The following TMEM232 variants were observed in gnomAD, a reference collection of about 807,000 sequenced individuals.
TMEM232 encodes transmembrane protein 232.
Under a neutral mutation model 78.8 loss-of-function variants are expected in TMEM232, and 80 were observed. The observed-to-expected ratio is 1.01, with a 90% CI of 0.85 to 1.22. The LOEUF (loss-of-function observed/expected upper bound fraction) is 1.22, where lower values mean the gene tolerates loss of function less well. TMEM232 is among the 50% of genes most tolerant of loss of function. TMEM232 has a pLI of 0.00. For synonymous variants in TMEM232, 297 were observed against 254.3 expected, an observed-to-expected ratio of 1.17 and a Z score of -1.60; for missense variants, 881 against 742.2, an observed-to-expected ratio of 1.19 and a Z score of -2.17.
chr5:110,394,623 G>A (rs1020304118), intron 3 of TMEM232, among the ~76,000 whole-genome samples: 3 of 152,048 alleles, frequency 2.0e-5, no homozygotes, highest in Middle Eastern at 3.2e-3. Flanking sequence ...ATAGGTTTGC[G>A]TCTGTTGGGT....
chr5:110,446,567 C>G (rs1484319819), intron 12 of TMEM232, among the ~76,000 whole-genome samples: 1 of 152,054 alleles, frequency 6.6e-6, no homozygotes, highest in African/African-American at 2.4e-5. Context: ...TGTTTTCAGC[C>G]TCTGAGTGAC....
At chr5:110,517,531 T>C (rs1452568482) in intron 12 of TMEM232, among the ~76,000 whole-genome samples, 1 of 152,208 alleles carries the variant, frequency 6.6e-6, no homozygotes. Flanking sequence ...TGTAGCTCCA[T>C]TCCACTCACC....
chr5:110,607,310 T>C (rs372269019), intron 8 of TMEM232, among the ~76,000 whole-genome samples: 2 of 152,040 alleles, frequency 1.3e-5, no homozygotes, highest in East Asian at 3.9e-4. Context: ...TAAGCTAGAT[T>C]AGTTGTAACT....
At chr5:110,397,641 A>G (rs1303283326) in intron 3 of TMEM232, 5 of 152,568 alleles carry the variant, frequency 3.3e-5, no homozygotes, top group African/African-American at 1.2e-4. Flanking sequence ...ATCAAAGCCA[A>G]TTTATACATC....
chr5:110,538,350 G>C (rs1166387567), intron 11 of TMEM232, among the ~76,000 whole-genome samples: 2 of 152,134 alleles, frequency 1.3e-5, no homozygotes, highest in East Asian at 3.8e-4. Flanking sequence ...TTTTGATACT[G>C]CTGTTATGGT....
intron 12 of TMEM232, among the ~76,000 whole-genome samples, chr5:110,527,716 C>T (rs1770797098): frequency 6.6e-6 from 1 of 151,932 alleles, no homozygotes; most frequent in Non-Finnish European, 1.5e-5. Context: ...ATCAATCAAT[C>T]ACAGCCTATC....
At chr5:110,445,310 T>C (rs908152057) in intron 12 of TMEM232, among the ~76,000 whole-genome samples, 5 of 152,080 alleles carry the variant, frequency 3.3e-5, no homozygotes, top group African/African-American at 9.7e-5. Context: ...AAATTACATA[T>C]GTTTAAAATA....
intron 1 of TMEM232, among the ~76,000 whole-genome samples, chr5:110,707,908 G>A (rs1035950933): frequency 1.4e-4 from 22 of 152,208 alleles, no homozygotes; most frequent in East Asian, 5.8e-4. Context: ...GACACACCCC[G>A]GGCCAAAAGG....
intron 10 of TMEM232, among the ~76,000 whole-genome samples, chr5:110,590,642 T>C (rs1350776658): frequency 3.3e-5 from 5 of 152,090 alleles, no homozygotes; most frequent in Non-Finnish European, 7.4e-5. Flanking sequence ...ACCACTGAGA[T>C]AAGATCAAAG....
rs2112602631 is a variant in TMEM232 at position 110,420,031 on chromosome 5, T to C, written c.*549A>G. 1 of 152,488 alleles carries C rather than the reference T, an allele frequency of 6.6e-6. No homozygotes were observed. The highest frequency in any genetic ancestry group is 2.4e-5 in the African/African-American group (1 of 41,578). 9.4% of individuals were successfully genotyped at this position (152,488 alleles called of 1,614,324 possible). ...AAAGATCAAGCCAATCAATCTAAGA[T>C]GACCAGCCCTCCCAGATTCAAATCT... On this transcript the variant is annotated 3_prime_UTR_variant, in exon 14 of 14. Transcript: ENST00000455884.
chr5:110,537,792 G>T (rs147069825), intron 11 of TMEM232, among the ~76,000 whole-genome samples: 58 of 152,346 alleles, frequency 3.8e-4, no homozygotes, highest in African/African-American at 1.3e-3. Flanking sequence ...GTAAGGAAAA[G>T]CTAGAAAGCT....
intron 10 of TMEM232, among the ~76,000 whole-genome samples, chr5:110,590,933 G>T (rs1026959403): frequency 6.6e-6 from 1 of 152,094 alleles, no homozygotes; most frequent in African/African-American, 2.4e-5. Flanking sequence ...CACGAGAACA[G>T]CATGAGGGAA....
At chr5:110,494,526 T>G (rs746556266) in intron 12 of TMEM232, among the ~76,000 whole-genome samples, 1 of 151,954 alleles carries the variant, frequency 6.6e-6, no homozygotes, top group Non-Finnish European at 1.5e-5. Flanking sequence ...CCATTCAGAG[T>G]GCAGGGAGGG....
chr5:110,723,527 A>G (rs1365994284), intron 1 of TMEM232, among the ~76,000 whole-genome samples: 1 of 152,172 alleles, frequency 6.6e-6, no homozygotes, highest in Non-Finnish European at 1.5e-5. Context: ...ATTAGACTCT[A>G]AATGAGTATC....
intron 11 of TMEM232, among the ~76,000 whole-genome samples, chr5:110,547,377 G>A (rs995846665): frequency 2.6e-5 from 4 of 152,162 alleles, no homozygotes; most frequent in African/African-American, 4.8e-5. Context: ...TGAGTCACAA[G>A]TACAAGGAAG....
chr5:110,551,215 GTTTGTTTGTT>G (rs904855457), intron 11 of TMEM232, among the ~76,000 whole-genome samples: 36 of 151,838 alleles, frequency 2.4e-4, no homozygotes, highest in African/African-American at 8.2e-4. Flanking sequence ...TTGTTTGTTT[GTTTGTTTGTT>G]TTTGTTTGTT....
At chr5:110,731,999 C>G (rs185074037) in intron 2 of TMEM232, among the ~76,000 whole-genome samples, 6 of 152,144 alleles carry the variant, frequency 3.9e-5, no homozygotes, top group Non-Finnish European at 7.3e-5. Flanking sequence ...TTGAATGCCT[C>G]GCTGCTTAGA....
Position 110,528,574 on chromosome 5 carries a change from G to A in TMEM232, c.1703+14C>T, listed in dbSNP as rs1364610257. 1.1e-5 allele frequency: 16 copies of A among 1,518,434 alleles called. No homozygotes were observed. The highest frequency in any genetic ancestry group is 6.1e-6 in the Non-Finnish European group (7 of 1,139,942). The allele number at this position is 1,518,434 out of a possible 1,614,324, so 94.1% of individuals were successfully genotyped here. On this transcript the variant is annotated intron_variant, in intron 12 of 13. Coordinates refer to ENST00000455884, the MANE Select transcript of TMEM232 (RefSeq NM_001039763.4). ...ATGTATTAGAACAATAAAACCGATA[G>A]TACTTCTCTTTACCTTACAGTGAAA...
intron 12 of TMEM232, among the ~76,000 whole-genome samples, chr5:110,449,009 C>A (rs1250989958): frequency 6.6e-6 from 1 of 151,612 alleles, no homozygotes; most frequent in Admixed American, 6.6e-5. Context: ...AAAATTAAAG[C>A]AAATCAAAGT....
Sources: allele counts gnomAD v4.1 joint callset (sites outside exome capture counted in the v4.1 genomes callset), GRCh38; gene constraint gnomAD v4.1.1; transcripts MANE v1.5; gene names NCBI Gene and HGNC (gene_info 2026-07-23, HGNC 2026-07-21).